Variants in SLC41A3 observed in about 807,000 individuals in gnomAD.
The protein encoded by SLC41A3 is solute carrier family 41 member 3.
Under a neutral mutation model 45.4 loss-of-function variants are expected in SLC41A3, and 44 were observed. That is an observed-to-expected ratio of 0.97 (90% CI 0.76 to 1.25). SLC41A3 has a LOEUF of 1.25. Ranked by LOEUF, SLC41A3 falls within the 50% of genes most tolerant of loss-of-function variation. SLC41A3 has a pLI of 0.00. For synonymous variants in SLC41A3, 256 were observed against 252.4 expected, an observed-to-expected ratio of 1.01 and a Z score of -0.13; for missense variants, 550 against 600.6, an observed-to-expected ratio of 0.92 and a Z score of 0.88.
At chr3:126,030,146 T>G (rs924255098) in intron 4 of SLC41A3, among the ~76,000 whole-genome samples, 16 of 147,604 alleles carry the variant, frequency 1.1e-4, no homozygotes, top group African/African-American at 3.7e-4. Flanking sequence ...TAATATATAT[T>G]ATATATGTTA....
chr3:126,087,376 G>T (rs1171633205), upstream of SLC41A3, among the ~76,000 whole-genome samples: 1 of 152,026 alleles, frequency 6.6e-6, no homozygotes, highest in Admixed American at 6.5e-5. Context: ...AATTAATCAG[G>T]TAAAGGTAAT....
chr3:126,074,839 C>T (rs941156507), intron 1 of SLC41A3, among the ~76,000 whole-genome samples: 1 of 152,342 alleles, frequency 6.6e-6, no homozygotes, highest in East Asian at 1.9e-4. Flanking sequence ...TTCCACCATG[C>T]TCAGCTACTA....
In SLC41A3 at chr3:126,006,566, T is replaced by C; in HGVS notation, c.*450A>G. 6.3e-7 allele frequency: 1 copy of C among 1,593,044 alleles called. No individual in the cohort carries two copies. Among genetic ancestry groups the C allele is most frequent in the Middle Eastern group, 1.7e-4 (1 of 5,982 alleles). Reference sequence around the variant, plus strand: ...CAGTGTGGCCCACGGAGCTTGAACCTGGTGAAGACAGCAAGTAAGCCACAG... The same window carrying C: ...CAGTGTGGCCCACGGAGCTTGAACCCGGTGAAGACAGCAAGTAAGCCACAG... On this transcript the variant is annotated 3_prime_UTR_variant, in exon 11 of 11. Coordinates refer to ENST00000360370, the MANE Select transcript of SLC41A3 (RefSeq NM_017836.4).
At chr3:126,078,599 C>T (rs894715182) in intron 1 of SLC41A3, among the ~76,000 whole-genome samples, 5 of 152,218 alleles carry the variant, frequency 3.3e-5, no homozygotes, top group African/African-American at 1.2e-4. Flanking sequence ...ACAGACACAG[C>T]TACCGATGAC....
intron 2 of SLC41A3, among the ~76,000 whole-genome samples, chr3:126,059,480 C>G (rs1055782377): frequency 2.0e-5 from 3 of 152,074 alleles, no homozygotes; most frequent in Admixed American, 1.3e-4. Context: ...GTGCAGCACT[C>G]TGTATTTCTC....
intron 2 of SLC41A3, among the ~76,000 whole-genome samples, chr3:126,055,811 T>C (rs1320788307): frequency 6.6e-6 from 1 of 152,112 alleles, no homozygotes; most frequent in Non-Finnish European, 1.5e-5. Flanking sequence ...GAGACCGCCA[T>C]GGCCCTCCCA....
chr3:126,011,211 G>T (rs1362302551), intron 9 of SLC41A3, among the ~76,000 whole-genome samples: 1 of 152,068 alleles, frequency 6.6e-6, no homozygotes, highest in Non-Finnish European at 1.5e-5. Context: ...TATAAGCAAA[G>T]AAATAGAAAG....
intron 1 of SLC41A3, among the ~76,000 whole-genome samples, chr3:126,100,110 G>T (rs1945680012): frequency 6.6e-6 from 1 of 152,136 alleles, no homozygotes; most frequent in South Asian, 2.1e-4. Context: ...TGTTGATTTT[G>T]GAGGGGAGAA....
At chr3:126,081,127 G>A (rs1009482305) in intron 1 of SLC41A3, among the ~76,000 whole-genome samples, 1 of 152,168 alleles carries the variant, frequency 6.6e-6, no homozygotes, top group Non-Finnish European at 1.5e-5. Flanking sequence ...CATACCAGAT[G>A]AAAGGATAAA....
At chr3:126,060,376 G>A (rs2107972280) in intron 2 of SLC41A3, among the ~76,000 whole-genome samples, 1 of 151,448 alleles carries the variant, frequency 6.6e-6, no homozygotes, top group Non-Finnish European at 1.5e-5. Context: ...CTGAGATCAT[G>A]CCATTGCACT....
intron 9 of SLC41A3, among the ~76,000 whole-genome samples, chr3:126,010,007 T>C (rs1468095035): frequency 1.3e-5 from 2 of 152,236 alleles, no homozygotes; most frequent in East Asian, 1.9e-4. Context: ...AAACATTGTA[T>C]ATAAAACAAA....
intron 1 of SLC41A3, among the ~76,000 whole-genome samples, chr3:126,083,579 G>A: frequency 6.6e-6 from 1 of 152,230 alleles, no homozygotes; most frequent in South Asian, 2.1e-4. Flanking sequence ...TGTGGTAGAG[G>A]CTGGCGGGAG....
chr3:126,095,707 T>C (rs1434751182), intron 1 of SLC41A3, among the ~76,000 whole-genome samples: 2 of 152,140 alleles, frequency 1.3e-5, no homozygotes, highest in Non-Finnish European at 2.9e-5. Context: ...AAAATGAACG[T>C]ACTTGTTTAG....
chr3:126,050,495 G>A (rs962672483), intron 3 of SLC41A3, among the ~76,000 whole-genome samples: 1 of 152,236 alleles, frequency 6.6e-6, no homozygotes, highest in African/African-American at 2.4e-5. Flanking sequence ...CATTCAGGGA[G>A]CCATTCTGGG....
upstream of SLC41A3, chr3:126,084,209 GC>G (rs1348416921): frequency 6.6e-6 from 1 of 152,020 alleles, no homozygotes; most frequent in Non-Finnish European, 1.5e-5. Context: ...CGGCCGGGCG[GC>G]CGGACCTCGG....
At chr3:126,051,775 C>A (rs1943354067) in intron 2 of SLC41A3, among the ~76,000 whole-genome samples, 1 of 152,162 alleles carries the variant, frequency 6.6e-6, no homozygotes, top group South Asian at 2.1e-4. Flanking sequence ...GCCTGTCTGG[C>A]TGCTGCTGAG....
At chr3:126,036,613 C>T (rs1407328597) in intron 3 of SLC41A3, among the ~76,000 whole-genome samples, 1 of 152,196 alleles carries the variant, frequency 6.6e-6, no homozygotes, top group East Asian at 1.9e-4. Flanking sequence ...GCTTCGCTGC[C>T]TCTTCTTGGT....
At chr3:126,013,809 G>A (rs1231964602) in intron 8 of SLC41A3, among the ~76,000 whole-genome samples, 1 of 152,154 alleles carries the variant, frequency 6.6e-6, no homozygotes, top group African/African-American at 2.4e-5. Flanking sequence ...TGTGTGCCCA[G>A]AGCAAGTGGC....
chr3:126,022,635 G>A (rs1329321631), intron 6 of SLC41A3, 151 bp downstream of exon 6: 10 of 982,324 alleles, frequency 1.0e-5, no homozygotes, highest in Non-Finnish European at 1.4e-5. Context: ...CAAGTTAGGG[G>A]TTAAGTTTCC....
Sources: gnomAD v4.1 joint callset for allele counts (sites outside exome capture counted in the v4.1 genomes callset) on GRCh38, gnomAD v4.1.1 for gene constraint, MANE v1.5 for transcripts, NCBI Gene and HGNC (gene_info 2026-07-23, HGNC 2026-07-21) for gene names.